TMEM132D: variants seen among roughly 807,000 people sequenced by gnomAD.
TMEM132D encodes the protein transmembrane protein 132D, also known as mature OL transmembrane protein.
A neutral mutation model predicts 62.3 loss-of-function variants in TMEM132D; 21 were observed. The observed-to-expected ratio is 0.34, with a 90% CI of 0.24 to 0.49. The LOEUF (loss-of-function observed/expected upper bound fraction) is 0.49. Ranked by LOEUF, TMEM132D falls within the 20% of genes least tolerant of loss-of-function variation. The probability of loss-of-function intolerance (pLI) is 0.99; values close to 1 mark genes in which losing one functional copy is unlikely to be tolerated. For missense variants in TMEM132D, 1,346 were observed against 1,402.8 expected, an observed-to-expected ratio of 0.96 and a Z score of 0.65; for synonymous variants, 621 against 575.6, an observed-to-expected ratio of 1.08 and a Z score of -1.13.
At position 129,399,639 on chromosome 12, in the gene TMEM132D, CA is replaced by C. The variant is rs61117388; in HGVS notation, c.1116-61823del. Reference sequence around the variant, plus strand: ...TGTCTAATAAAGAATGAGGACGTCTCAAAAAAAAAAAAAATTCCAGTAAGAT... The same window carrying C: ...TGTCTAATAAAGAATGAGGACGTCTCAAAAAAAAAAAAATTCCAGTAAGAT... On this transcript the variant is annotated intron_variant, in intron 3 of 8. Coordinates refer to ENST00000422113, the MANE Select transcript of TMEM132D (RefSeq NM_133448.3). Among the ~76,000 whole-genome samples, 1,170 of 130,794 alleles carry C rather than the reference CA, an allele frequency of 8.9e-3. 11 individuals carry two copies. Among genetic ancestry groups the C allele is most frequent in the African/African-American group, 0.017 (625 of 36,396 alleles). 85.8% of individuals were successfully genotyped at this position (130,794 alleles called of 152,430 possible).
At chr12:129,870,414 G>A (rs922880970) in intron 1 of TMEM132D, among the ~76,000 whole-genome samples, 2 of 152,186 alleles carry the variant, frequency 1.3e-5, no homozygotes, top group African/African-American at 4.8e-5. Context: ...GAAGGCCACA[G>A]TGATTTCATC....
chr12:129,361,569 G>A (rs1180635593), intron 3 of TMEM132D, among the ~76,000 whole-genome samples: 1 of 152,148 alleles, frequency 6.6e-6, no homozygotes. Flanking sequence ...ATAAAGTCAG[G>A]CCCCATTTAA....
In TMEM132D at chr12:129,862,163, G is replaced by T. The variant is rs552564756; in HGVS notation, c.79+41098C>A. Among the ~76,000 whole-genome samples, 17 of 152,272 alleles carry T rather than the reference G, an allele frequency of 1.1e-4. No individual in the cohort carries two copies. The South Asian group carries it at 3.3e-3, about 30-fold the overall frequency. On this transcript the variant is annotated intron_variant, in intron 1 of 8. Coordinates refer to ENST00000422113, the MANE Select transcript of TMEM132D (RefSeq NM_133448.3). ...TACTCTTTCTCCTTTGCAATTCCCC[G>T]GTGGTGATAAATCAGGTCTGTCTGG...
At chr12:129,653,135 C>T (rs148085858) in intron 2 of TMEM132D, among the ~76,000 whole-genome samples, 56 of 152,228 alleles carry the variant, frequency 3.7e-4, no homozygotes, top group African/African-American at 1.2e-3. Context: ...TGGAATTCCA[C>T]GCTGGAGGTC....
intron 5 of TMEM132D, among the ~76,000 whole-genome samples, chr12:129,159,435 G>A (rs1877334363): frequency 6.6e-6 from 1 of 152,118 alleles, no homozygotes; most frequent in Non-Finnish European, 1.5e-5. Context: ...AACACACGAA[G>A]AGAGATAAAT....
chr12:129,715,594 G>A (rs1298403051), intron 1 of TMEM132D, among the ~76,000 whole-genome samples: 2 of 152,142 alleles, frequency 1.3e-5, no homozygotes, highest in African/African-American at 2.4e-5. Flanking sequence ...ACCTGTACAG[G>A]GTGGGATCAA....
chr12:129,788,052 G>A (rs1290067876), intron 1 of TMEM132D, among the ~76,000 whole-genome samples: 1 of 152,192 alleles, frequency 6.6e-6, no homozygotes, highest in Admixed American at 6.5e-5. Flanking sequence ...AACCACTCGG[G>A]GCACAGGGAT....
intron 2 of TMEM132D, among the ~76,000 whole-genome samples, chr12:129,570,139 A>G (rs1485937112): frequency 6.6e-6 from 1 of 152,236 alleles, no homozygotes; most frequent in Non-Finnish European, 1.5e-5. Context: ...TCAGCAGACC[A>G]GTGAAGATGC....
chr12:129,705,883 A>G (rs549403852), intron 1 of TMEM132D, among the ~76,000 whole-genome samples: 4 of 152,266 alleles, frequency 2.6e-5, no homozygotes, highest in African/African-American at 9.6e-5. Context: ...AGGGAACAAA[A>G]GAAAGTTAAA....
At chr12:129,825,057 A>C (rs955717145) in intron 1 of TMEM132D, among the ~76,000 whole-genome samples, 11 of 146,478 alleles carry the variant, frequency 7.5e-5, no homozygotes, top group African/African-American at 2.8e-4. Flanking sequence ...TCTGTCACCC[A>C]GGCTGGAGTA....
At chr12:129,781,185 A>C (rs1871108424) in intron 1 of TMEM132D, among the ~76,000 whole-genome samples, 1 of 152,206 alleles carries the variant, frequency 6.6e-6, no homozygotes, top group Non-Finnish European at 1.5e-5. Context: ...AACAGTACAG[A>C]AACCGCCACA....
intron 5 of TMEM132D, among the ~76,000 whole-genome samples, chr12:129,150,718 C>T (rs1338075127): frequency 1.3e-5 from 2 of 152,226 alleles, no homozygotes; most frequent in African/African-American, 2.4e-5. Context: ...GGTTCAGTCA[C>T]AGAGAGGCTG....
chr12:129,838,711 G>C (rs1489225165), intron 1 of TMEM132D, among the ~76,000 whole-genome samples: 1 of 152,126 alleles, frequency 6.6e-6, no homozygotes, highest in Non-Finnish European at 1.5e-5. Flanking sequence ...ATAGGAAAGA[G>C]TGATTCTCCA....
chr12:129,261,592 T>C (rs1880551602), intron 4 of TMEM132D, among the ~76,000 whole-genome samples: 1 of 152,164 alleles, frequency 6.6e-6, no homozygotes, highest in Non-Finnish European at 1.5e-5. Context: ...GACTGGATGA[T>C]TTGAACAACA....
chr12:129,326,392 A>T (rs1868911649), intron 4 of TMEM132D, among the ~76,000 whole-genome samples: 1 of 152,172 alleles, frequency 6.6e-6, no homozygotes, highest in Admixed American at 6.5e-5. Flanking sequence ...CAGCCTGCAA[A>T]AGCTGTCATT....
intron 1 of TMEM132D, among the ~76,000 whole-genome samples, chr12:129,822,681 C>T (rs79032015): frequency 0.065 from 9,954 of 152,206 alleles, 452 homozygotes; most frequent in South Asian, 0.13. Flanking sequence ...ACAAGCGTGG[C>T]GGAAGGCACC....
Position 129,461,536 on chromosome 12 carries a change from T to C in TMEM132D, c.1115+69523A>G, listed in dbSNP as rs529068225. On this transcript the variant is annotated intron_variant, in intron 3 of 8. Transcript: ENST00000422113. Reference sequence around the variant, plus strand: ...ATTATTTTTCCTTGTATCACATGAATAGACTGATCTAGGATCTCATCATTG... The same window carrying C: ...ATTATTTTTCCTTGTATCACATGAACAGACTGATCTAGGATCTCATCATTG... Among the ~76,000 whole-genome samples, 6 of 152,240 alleles carry C rather than the reference T, an allele frequency of 3.9e-5. No individual in the cohort carries two copies. The East Asian group carries it at 5.8e-4, about 15-fold the overall frequency.
At chr12:129,901,463 C>G (rs558231645) in intron 1 of TMEM132D, among the ~76,000 whole-genome samples, 1 of 152,196 alleles carries the variant, frequency 6.6e-6, no homozygotes, top group East Asian at 1.9e-4. Flanking sequence ...AATTGCTGTA[C>G]AAAGTCTCCA....
intron 2 of TMEM132D, among the ~76,000 whole-genome samples, chr12:129,532,908 T>C (rs942254469): frequency 6.6e-6 from 1 of 152,212 alleles, no homozygotes; most frequent in Non-Finnish European, 1.5e-5. Context: ...AGCGTGAGCC[T>C]GGTCTCCTCC....
Sources: allele counts gnomAD v4.1 joint callset (sites outside exome capture counted in the v4.1 genomes callset), GRCh38; gene constraint gnomAD v4.1.1; transcripts MANE v1.5; gene names NCBI Gene and HGNC (gene_info 2026-07-23, HGNC 2026-07-21).